The following R3HCC1L variants were observed in gnomAD, a reference collection of about 807,000 sequenced individuals.
The protein encoded by R3HCC1L is R3H domain and coiled-coil containing 1 like.
In R3HCC1L, 51 loss-of-function variants were observed where a neutral mutation model predicts 59.9. That is an observed-to-expected ratio of 0.85 (90% confidence interval 0.68 to 1.07). The LOEUF (loss-of-function observed/expected upper bound fraction) is 1.07. Ranked by LOEUF, R3HCC1L falls within the 50% of genes least tolerant of loss-of-function variation. The pLI, the probability that R3HCC1L is intolerant of heterozygous loss-of-function variation, is 0.00. For synonymous variants in R3HCC1L, 322 were observed against 315.2 expected, an observed-to-expected ratio of 1.02 and a Z score of -0.23; for missense variants, 965 against 933.0, an observed-to-expected ratio of 1.03 and a Z score of -0.45.
chr10:98,169,021 G>A (rs1848234989), intron 4 of R3HCC1L, among the ~76,000 whole-genome samples: 1 of 152,198 alleles, frequency 6.6e-6, no homozygotes, highest in African/African-American at 2.4e-5. Context: ...GCTTTTGAGG[G>A]TGAGGCAAGG....
intron 4 of R3HCC1L, among the ~76,000 whole-genome samples, chr10:98,181,010 C>T (rs1849570649): frequency 1.3e-5 from 2 of 152,110 alleles, no homozygotes; most frequent in South Asian, 2.1e-4. Flanking sequence ...TCCAATTTGC[C>T]AGTCTGTGTC....
intron 6 of R3HCC1L, among the ~76,000 whole-genome samples, chr10:98,233,894 C>T (rs1856647443): frequency 6.6e-6 from 1 of 152,002 alleles, no homozygotes; most frequent in Admixed American, 6.6e-5. Context: ...AAGAATAGAT[C>T]AGCCTCTCTG....
intron 4 of R3HCC1L, among the ~76,000 whole-genome samples, chr10:98,207,774 G>A (rs935552260): frequency 1.3e-5 from 2 of 151,824 alleles, no homozygotes; most frequent in Non-Finnish European, 2.9e-5. Flanking sequence ...GGAGACAAAG[G>A]TGGGTAGATT....
chr10:98,145,161 GTGTT>G (rs1845533486), intron 1 of R3HCC1L, among the ~76,000 whole-genome samples: 1 of 152,210 alleles, frequency 6.6e-6, no homozygotes, highest in Admixed American at 6.5e-5. Flanking sequence ...AATGAAAACA[GTGTT>G]TGACTAAGGC....
chr10:98,234,613 T>C (rs1365012794), intron 7 of R3HCC1L, 97 bp downstream of exon 7: 2 of 1,310,594 alleles, frequency 1.5e-6, no homozygotes, highest in African/African-American at 1.5e-5. Context: ...TGGCATCTTA[T>C]TCAGCCAGTG....
intron 1 of R3HCC1L, among the ~76,000 whole-genome samples, chr10:98,140,278 G>T (rs532371464): frequency 1.3e-5 from 2 of 152,176 alleles, no homozygotes; most frequent in East Asian, 3.9e-4. Flanking sequence ...TTTAAAATAG[G>T]GTTAATAAAA....
chr10:98,181,321 T>G (rs1283568041), intron 4 of R3HCC1L, among the ~76,000 whole-genome samples: 2 of 152,240 alleles, frequency 1.3e-5, no homozygotes, highest in East Asian at 3.8e-4. Context: ...TTGAAAATTC[T>G]TTTCTTTAAG....
At chr10:98,234,557 C>G in intron 7 of R3HCC1L, 41 bp downstream of exon 7, 1 of 1,548,118 alleles carries the variant, frequency 6.5e-7, no homozygotes, top group Non-Finnish European at 8.9e-7. Context: ...TCTTATTGTT[C>G]ATTTTCTCAT....
intron 4 of R3HCC1L, among the ~76,000 whole-genome samples, chr10:98,165,993 G>A (rs1038020352): frequency 3.9e-5 from 6 of 152,188 alleles, no homozygotes; most frequent in African/African-American, 1.4e-4. Context: ...CCAACATGGT[G>A]AAACCCCATC....
Position 98,209,277 on chromosome 10 carries a change from A to G in R3HCC1L, c.1163A>G (p.His388Arg). The G allele has an allele frequency of 2.5e-6, 4 of 1,613,984 alleles. No individual in the cohort carries two copies. Among genetic ancestry groups the G allele is most frequent in the Non-Finnish European group, 3.4e-6 (4 of 1,179,950 alleles). ...ACTACAGGTATGTCCTGTAGTGATC[A>G]TGTAACTGTTGATAGCCCTTATGTA... ...MDTTGMSCSDHVTVDSPYVVA... is the reference protein window; with the variant it reads ...MDTTGMSCSDRVTVDSPYVVA... The change falls in exon 5 of 10, where the codon CAT becomes CGT. Residue 388 changes from histidine to arginine, a missense_variant. By Grantham distance (29) the His-to-Arg change is conservative. Transcript: ENST00000298999.
At chr10:98,237,178 T>C (rs914255392) in intron 9 of R3HCC1L, among the ~76,000 whole-genome samples, 4 of 152,320 alleles carry the variant, frequency 2.6e-5, no homozygotes, top group African/African-American at 9.6e-5. Flanking sequence ...TTAATGATTA[T>C]AATGAGGCAG....
intron 9 of R3HCC1L, among the ~76,000 whole-genome samples, chr10:98,238,582 T>C (rs945504277): frequency 1.4e-5 from 2 of 145,700 alleles, no homozygotes; most frequent in Non-Finnish European, 2.9e-5. Flanking sequence ...ATCTTGAGTT[T>C]AGAGCTGACC....
chr10:98,236,178 G>A lies in R3HCC1L; in HGVS notation c.2269+14G>A. 6.2e-7 allele frequency: 1 copy of A among 1,613,186 alleles called. No homozygotes were observed. Among genetic ancestry groups the A allele is most frequent in the Non-Finnish European group, 8.5e-7 (1 of 1,179,608 alleles). On this transcript the variant is annotated intron_variant, in intron 9 of 9. Coordinates refer to ENST00000298999, the MANE Select transcript of R3HCC1L (RefSeq NM_001351015.2). ...AAGAAGCCAGAGGTGAGCTGAAAGG[G>A]TGGTGTTCTTCTCTAGGCCCTTCAG...
chr10:98,178,541 A>C (rs928528641), intron 4 of R3HCC1L, among the ~76,000 whole-genome samples: 1 of 152,214 alleles, frequency 6.6e-6, no homozygotes, highest in African/African-American at 2.4e-5. Context: ...TGTCTTGGCA[A>C]TGCGGGCTCT....
At chr10:98,205,963 C>G (rs901483478) in intron 4 of R3HCC1L, among the ~76,000 whole-genome samples, 5 of 152,080 alleles carry the variant, frequency 3.3e-5, no homozygotes, top group Non-Finnish European at 4.4e-5. Flanking sequence ...TTCTTTCTTA[C>G]TTTGAGCTAA....
At position 98,140,301 on chromosome 10, in the gene R3HCC1L, G is replaced by C. The variant is rs186586083; in HGVS notation, c.-268+5595G>C. ...AGGGTTAATAAAACCAACTCTGCTT[G>C]TTTATAAATATTAAAAGGAAAAGTA... On this transcript the variant is annotated intron_variant, in intron 1 of 9. Transcript: ENST00000298999. 4.6e-5 allele frequency among the ~76,000 whole-genome samples: 7 copies of C among 152,238 alleles called. No individual in the cohort carries two copies. The East Asian group carries it at 1.4e-3, about 29-fold the overall frequency.
In R3HCC1L at chr10:98,156,165, T is replaced by C. The variant is rs1846852306; in HGVS notation, c.-213+18T>C. On this transcript the variant is annotated intron_variant, in intron 2 of 9. Coordinates refer to ENST00000298999, the MANE Select transcript of R3HCC1L (RefSeq NM_001351015.2). Reference sequence around the variant, plus strand: ...TTTTCCTGGTATGATTTCCACTTGTTGTTATCCTTAGATTTTTCTCTCCTG... The same window carrying C: ...TTTTCCTGGTATGATTTCCACTTGTCGTTATCCTTAGATTTTTCTCTCCTG... 2.6e-5 allele frequency: 4 copies of C among 152,156 alleles called. No homozygotes were observed. Among genetic ancestry groups the C allele is most frequent in the South Asian group, 2.1e-4 (1 of 4,832 alleles). The allele number at this position is 152,156 out of a possible 1,614,324, so 9.4% of individuals were successfully genotyped here.
At chr10:98,204,624 G>T (rs936228387) in intron 4 of R3HCC1L, among the ~76,000 whole-genome samples, 6 of 152,088 alleles carry the variant, frequency 3.9e-5, no homozygotes, top group Non-Finnish European at 7.4e-5. Flanking sequence ...CTTTTCCACG[G>T]TTTTGCTTTC....
At chr10:98,206,748 C>G (rs1308059589) in intron 4 of R3HCC1L, among the ~76,000 whole-genome samples, 1 of 152,140 alleles carries the variant, frequency 6.6e-6, no homozygotes, top group Non-Finnish European at 1.5e-5. Flanking sequence ...TGCTATGTCT[C>G]TGGTATCCCT....
Sources: allele counts gnomAD v4.1 joint callset (sites outside exome capture counted in the v4.1 genomes callset), GRCh38; gene constraint gnomAD v4.1.1; transcripts MANE v1.5; gene names NCBI Gene and HGNC (gene_info 2026-07-23, HGNC 2026-07-21).